Variants in RAD51B observed in about 807,000 individuals in gnomAD.
RAD51B encodes the protein DNA repair protein RAD51 homolog 2.
Under a neutral mutation model 42.2 loss-of-function variants are expected in RAD51B, and 38 were observed. That is an observed-to-expected ratio of 0.90 (90% CI 0.70 to 1.18). The LOEUF is 1.18. Among genes scored for constraint, RAD51B ranks in the 50% most tolerant of loss-of-function variants. RAD51B has a pLI of 0.00. For synonymous variants in RAD51B, 154 were observed against 145.2 expected (o/e 1.06, Z -0.43); for missense variants, 373 against 400.7 (o/e 0.93, Z 0.59).
intron 4 of RAD51B, among the ~76,000 whole-genome samples, chr14:67,846,287 G>A (rs1044126380): frequency 3.3e-5 from 5 of 152,182 alleles, no homozygotes; most frequent in South Asian, 2.1e-4. Flanking sequence ...GTGTGTGTTC[G>A]TGCTGGTGGC....
At chr14:68,221,918 C>A (rs537012210) in intron 7 of RAD51B, among the ~76,000 whole-genome samples, 125 of 152,176 alleles carry the variant, frequency 8.2e-4, no homozygotes, top group African/African-American at 2.9e-3. Flanking sequence ...ATACAAATGG[C>A]CAATAAGCAT....
intron 9 of RAD51B, among the ~76,000 whole-genome samples, chr14:68,427,301 G>T (rs2084875674): frequency 6.6e-6 from 1 of 152,206 alleles, no homozygotes; most frequent in Non-Finnish European, 1.5e-5. Context: ...TGAGACTCCA[G>T]AACTGCAGAG....
chr14:68,323,543 A>G (rs2082194746), intron 8 of RAD51B, among the ~76,000 whole-genome samples: 1 of 152,122 alleles, frequency 6.6e-6, no homozygotes, highest in African/African-American at 2.4e-5. Flanking sequence ...TGTAATCCTA[A>G]CACTTTGAGA....
intron 8 of RAD51B, among the ~76,000 whole-genome samples, chr14:68,395,055 C>G (rs929187861): frequency 6.6e-5 from 10 of 152,166 alleles, no homozygotes; most frequent in Non-Finnish European, 1.3e-4. Context: ...CGGCATCCCC[C>G]CCTTTCTTCA....
At chr14:68,672,818 G>A (rs771671234) in intron 11 of RAD51B, among the ~76,000 whole-genome samples, 9 of 152,172 alleles carry the variant, frequency 5.9e-5, no homozygotes, top group Non-Finnish European at 1.2e-4. Flanking sequence ...GCTTCATGGT[G>A]TCCCTTCAGA....
intron 8 of RAD51B, among the ~76,000 whole-genome samples, chr14:68,316,587 T>C (rs1206557877): frequency 6.6e-6 from 1 of 152,178 alleles, no homozygotes; most frequent in Non-Finnish European, 1.5e-5. Context: ...AGAGTAGATA[T>C]TCTGTGGCGA....
At chr14:68,184,512 T>G (rs2079116686) in intron 7 of RAD51B, among the ~76,000 whole-genome samples, 1 of 150,018 alleles carries the variant, frequency 6.7e-6, no homozygotes, top group Non-Finnish European at 1.5e-5. Context: ...CCCAAAGTGC[T>G]GGGATTACAG....
At chr14:68,664,904 C>A (rs944528316) in intron 11 of RAD51B, among the ~76,000 whole-genome samples, 4 of 152,152 alleles carry the variant, frequency 2.6e-5, no homozygotes, top group African/African-American at 9.7e-5. Context: ...GGGAGAGAAA[C>A]TCCTCTTCTC....
intron 7 of RAD51B, among the ~76,000 whole-genome samples, chr14:68,212,839 A>G (rs1259146533): frequency 6.6e-6 from 1 of 152,182 alleles, no homozygotes; most frequent in Non-Finnish European, 1.5e-5. Context: ...TAACATCCTT[A>G]AAGTCTTTCA....
intron 7 of RAD51B, among the ~76,000 whole-genome samples, chr14:68,132,778 C>T (rs560509086): frequency 3.3e-4 from 50 of 152,320 alleles, no homozygotes; most frequent in Non-Finnish European, 6.0e-4. Context: ...CTCTCTCATG[C>T]ACATTATGTG....
intron 7 of RAD51B, among the ~76,000 whole-genome samples, chr14:68,269,603 C>A (rs1007811791): frequency 1.3e-5 from 2 of 152,192 alleles, no homozygotes; most frequent in African/African-American, 4.8e-5. Context: ...TCACATCACT[C>A]ATCATATCTG....
chr14:67,831,866 C>T (rs754739682), intron 3 of RAD51B, among the ~76,000 whole-genome samples: 18 of 151,650 alleles, frequency 1.2e-4, no homozygotes, highest in Admixed American at 2.0e-4. Context: ...TTTGACTTAC[C>T]GAATCTATTA....
chr14:68,086,454 AG>A (rs2076986964), intron 7 of RAD51B, among the ~76,000 whole-genome samples: 1 of 152,166 alleles, frequency 6.6e-6, no homozygotes, highest in Non-Finnish European at 1.5e-5. Context: ...TTGGGCACCA[AG>A]GCAGAAGTGC....
chr14:68,412,804 T>C (rs775336440), intron 9 of RAD51B, among the ~76,000 whole-genome samples: 4 of 152,232 alleles, frequency 2.6e-5, no homozygotes, highest in Non-Finnish European at 5.9e-5. Flanking sequence ...TTCCAAAATA[T>C]TCCTGGGGAA....
At chr14:67,884,224 A>T (rs551105033) in intron 5 of RAD51B, among the ~76,000 whole-genome samples, 1 of 152,200 alleles carries the variant, frequency 6.6e-6, no homozygotes, top group East Asian at 1.9e-4. Context: ...AAGGTTGTTC[A>T]TGTCTATCCA....
chr14:68,090,601 A>T (rs1003207703), intron 7 of RAD51B, among the ~76,000 whole-genome samples: 2 of 151,952 alleles, frequency 1.3e-5, no homozygotes, highest in African/African-American at 2.4e-5. Context: ...TTGCAAACAT[A>T]CCCTAATTTT....
chr14:68,682,249 C>A (rs1893447113), intron 11 of RAD51B, among the ~76,000 whole-genome samples: 1 of 152,206 alleles, frequency 6.6e-6, no homozygotes, highest in Admixed American at 6.5e-5. Flanking sequence ...GGTGCCCTAT[C>A]TACACCAATC....
chr14:68,050,485 A>G (rs536607614), intron 7 of RAD51B, among the ~76,000 whole-genome samples: 4 of 152,146 alleles, frequency 2.6e-5, no homozygotes, highest in Non-Finnish European at 5.9e-5. Context: ...CATGTAATAC[A>G]GTTTTGAATC....
chr14:68,272,032 A>T (rs1176167223), intron 7 of RAD51B, among the ~76,000 whole-genome samples: 1 of 152,214 alleles, frequency 6.6e-6, no homozygotes, highest in Non-Finnish European at 1.5e-5. Flanking sequence ...TTTGTGTGCC[A>T]CACTTTTTGC....
Sources: allele counts gnomAD v4.1 joint callset (sites outside exome capture counted in the v4.1 genomes callset), GRCh38; gene constraint gnomAD v4.1.1; transcripts MANE v1.5; gene names NCBI Gene and HGNC (gene_info 2026-07-23, HGNC 2026-07-21).